CRHBP: variants seen among roughly 807,000 people sequenced by gnomAD.
CRHBP encodes the protein corticotropin releasing hormone binding protein, also known as corticotropin-releasing hormone-binding protein.
CRHBP carries 19 observed loss-of-function variants against 34.9 expected under a neutral mutation model. That is an observed-to-expected ratio of 0.55 (90% CI 0.38 to 0.80). The LOEUF (loss-of-function observed/expected upper bound fraction) is 0.80, where lower values mean the gene tolerates loss of function less well. Ranked by LOEUF, CRHBP falls within the 30% of genes least tolerant of loss-of-function variation. CRHBP has a pLI of 0.00. For missense variants in CRHBP, 328 were observed against 409.2 expected (o/e 0.80, Z 1.71); for synonymous variants, 154 against 153.4 (o/e 1.00, Z -0.03).
intron 3 of CRHBP, among the ~76,000 whole-genome samples, chr5:76,979,148 T>C (rs1746082249): frequency 6.6e-6 from 1 of 152,164 alleles, no homozygotes. Context: ...TATTTTTCTT[T>C]TCTTTCTTTT....
Position 76,968,825 on chromosome 5 carries a change from G to T in CRHBP, c.909G>T (p.Pro303=). The T allele has an allele frequency of 5.0e-6, 8 of 1,614,088 alleles. No individual in the cohort carries two copies. The highest frequency in any genetic ancestry group is 6.8e-6 in the Non-Finnish European group (8 of 1,179,980). ...CTTTTGAGTATCGTCAGCTGGAGCC[G>T]TACGAGCTGGAAAACCCAAATGGAA... ...RVTFEYRQLE[P]YELENPNGNS... is the part of the protein sequence containing the mutation. The change falls in exon 7 of 7, where the codon CCG becomes CCT. Residue 303 remains proline, a synonymous_variant. Coordinates refer to ENST00000274368, the MANE Select transcript of CRHBP (RefSeq NM_001882.4).
intron 3 of CRHBP, among the ~76,000 whole-genome samples, chr5:76,978,145 A>T (rs1746067498): frequency 6.6e-6 from 1 of 151,584 alleles, no homozygotes; most frequent in South Asian, 2.1e-4. Flanking sequence ...CATCTCCATT[A>T]AAAAAAAGGT....
chr5:76,953,624 T>C lies in CRHBP; in HGVS notation c.105T>C (p.Asp35=). Reference sequence around the variant, plus strand: ...AGCTGAGGGAAGCGGCGGACTACGATCCTTTCCTGCTCTTCAGCGCCAACC... The same window carrying C: ...AGCTGAGGGAAGCGGCGGACTACGACCCTTTCCTGCTCTTCAGCGCCAACC... ...YLELREAADY[D]PFLLFSANLK... is the part of the protein sequence containing the mutation. Residue 35 remains aspartate, a synonymous_variant, in exon 2 of 7, where the codon GAT becomes GAC. Coordinates refer to ENST00000274368, the MANE Select transcript of CRHBP (RefSeq NM_001882.4). 1 of 1,612,944 alleles carries C rather than the reference T, an allele frequency of 6.2e-7. No individual in the cohort carries two copies. The highest frequency in any genetic ancestry group is 8.5e-7 in the Non-Finnish European group (1 of 1,179,620).
downstream of CRHBP, among the ~76,000 whole-genome samples, chr5:76,972,176 G>A (rs1372091424): frequency 6.6e-6 from 1 of 151,782 alleles, no homozygotes; most frequent in Non-Finnish European, 1.5e-5. Context: ...GGGGGTCACG[G>A]GTGCATGCTA....
At position 76,955,750 on chromosome 5, in the gene CRHBP, G is replaced by C. The variant is rs760217816; in HGVS notation, c.431G>C (p.Gly144Ala). Residue 144 changes from glycine to alanine, a missense_variant, in exon 4 of 7, where the codon GGT becomes GCT. This residue lies in a region of CRHBP where 173 missense variants were observed against 172.2 expected (regional missense o/e 1.00). Coordinates refer to ENST00000274368, the MANE Select transcript of CRHBP (RefSeq NM_001882.4). The part of the protein sequence containing the change: ...AERYIDFCES[G>A]LSRRSIRSSQ... ...CGGTACATAGATTTCTGTGAGAGTG[G>C]TCTTAGCAGGAGGAGCATCAGATCT... 1 of 1,614,156 alleles carries C rather than the reference G, an allele frequency of 6.2e-7. No individual in the cohort carries two copies.
chr5:76,962,262 T>C (rs769700944), intron 5 of CRHBP, among the ~76,000 whole-genome samples: 6 of 152,072 alleles, frequency 3.9e-5, no homozygotes, highest in Non-Finnish European at 7.3e-5. Context: ...CCAGTACAAA[T>C]GAAAATGTGG....
chr5:76,953,407 T>C (rs1479047852), intron 1 of CRHBP, 192 bp downstream of exon 1: 9 of 835,096 alleles, frequency 1.1e-5, no homozygotes, highest in Non-Finnish European at 1.8e-5. Context: ...CCTGCCTGCC[T>C]TCCTCTGGCC....
intron 1 of CRHBP, 94 bp from the exon 2 acceptor site, chr5:76,953,507 C>A: frequency 1.6e-6 from 2 of 1,223,160 alleles, no homozygotes; most frequent in Non-Finnish European, 2.4e-6. Flanking sequence ...TCTTTATTCG[C>A]TATGCTGAGT....
At chr5:76,956,698 G>A (rs1047746134) in intron 4 of CRHBP, among the ~76,000 whole-genome samples, 6 of 151,788 alleles carry the variant, frequency 4.0e-5, no homozygotes, top group South Asian at 4.2e-4. Flanking sequence ...CGCTCCAGCC[G>A]GGGTGACAAA....
chr5:76,964,991 TA>T (rs927513951), intron 6 of CRHBP, among the ~76,000 whole-genome samples: 4 of 138,190 alleles, frequency 2.9e-5, no homozygotes, highest in Middle Eastern at 3.8e-3. Context: ...CCCCATAAAA[TA>T]AAAAAAAAGA....
At chr5:76,980,866 A>C (rs1746108731) in intron 3 of CRHBP, 1 of 152,224 alleles carries the variant, frequency 6.6e-6, no homozygotes, top group Non-Finnish European at 1.5e-5. Context: ...CCTTGTACTC[A>C]GCTATAATGT....
chr5:76,976,832 A>G (rs1340991439), intron 3 of CRHBP, among the ~76,000 whole-genome samples: 2 of 152,218 alleles, frequency 1.3e-5, no homozygotes, highest in Admixed American at 1.3e-4. Flanking sequence ...AAGAGAAAAT[A>G]GCTTGTTTTT....
At chr5:76,955,256 A>G (rs1158760750) in intron 3 of CRHBP, among the ~76,000 whole-genome samples, 2 of 152,224 alleles carry the variant, frequency 1.3e-5, no homozygotes, top group African/African-American at 4.8e-5. Flanking sequence ...TTTTGTTCAC[A>G]TTTCAATGAC....
chr5:76,977,148 C>T (rs547638724), intron 3 of CRHBP, among the ~76,000 whole-genome samples: 18 of 152,152 alleles, frequency 1.2e-4, no homozygotes, highest in Non-Finnish European at 2.2e-4. Flanking sequence ...GCTGGTGTAA[C>T]GTTCTGTAAG....
Position 76,953,914 on chromosome 5 carries a change from C to G in CRHBP, c.176-115C>G, listed in dbSNP as rs571590837. On this transcript the variant is annotated intron_variant, in intron 2 of 6. Transcript: ENST00000274368. ...ACCCAGCGCAGCCTAGGCTGGAAGT[C>G]GGGGCGCTGGGCACTACAGAGCCCG... The G allele has an allele frequency of 3.0e-6, 4 of 1,332,034 alleles. No homozygotes were observed. The East Asian group carries it at 7.4e-5, about 25-fold the overall frequency. The allele number at this position is 1,332,034 out of a possible 1,614,324, so 82.5% of individuals were successfully genotyped here.
chr5:76,953,410 C>T, intron 1 of CRHBP, 191 bp from the exon 2 acceptor site: 5 of 840,132 alleles, frequency 6.0e-6, no homozygotes, highest in Non-Finnish European at 5.8e-6. Flanking sequence ...GCCTGCCTTC[C>T]TCTGGCCGCT....
At chr5:76,962,004 T>C (rs1745785724) in intron 5 of CRHBP, among the ~76,000 whole-genome samples, 1 of 152,200 alleles carries the variant, frequency 6.6e-6, no homozygotes, top group South Asian at 2.1e-4. Context: ...TCCACCTGCC[T>C]TGGCCTCCCA....
intron 1 of CRHBP, 83 bp downstream of exon 1, chr5:76,953,298 T>C (rs1180434953): frequency 6.8e-6 from 9 of 1,319,468 alleles, no homozygotes; most frequent in Non-Finnish European, 9.7e-6. Flanking sequence ...GCTCGCAGCC[T>C]TTTGGGGTTC....
chr5:76,974,846 T>C (rs72763265), intron 2 of CRHBP, among the ~76,000 whole-genome samples: 5,714 of 152,180 alleles, frequency 0.038, 137 homozygotes, highest in Middle Eastern at 0.058. Flanking sequence ...AGAGGAAATA[T>C]GGGTGAGAGA....
Sources: gnomAD v4.1 joint callset for allele counts (sites outside exome capture counted in the v4.1 genomes callset) on GRCh38, gnomAD v4.1.1 for gene constraint, gnomAD v4.1.1 regional missense constraint, MANE v1.5 for transcripts, NCBI Gene and HGNC (gene_info 2026-07-23, HGNC 2026-07-21) for gene names.